Variants in CDYL2 observed in about 807,000 individuals in gnomAD.
CDYL2 encodes chromodomain Y like 2, also known as chromodomain Y-like protein 2.
Under a neutral mutation model 49.4 loss-of-function variants are expected in CDYL2, and 23 were observed. That is an observed-to-expected ratio of 0.47 (90% CI 0.34 to 0.66). The LOEUF (loss-of-function observed/expected upper bound fraction) is 0.66. Among genes scored for constraint, CDYL2 ranks in the 30% least tolerant of loss-of-function variants. CDYL2 has a pLI of 0.01. For synonymous variants in CDYL2, 360 were observed against 268.8 expected (o/e 1.34, Z -3.32); for missense variants, 678 against 656.4 (o/e 1.03, Z -0.36).
chr16:80,663,516 G>T (rs1370754853), intron 2 of CDYL2, among the ~76,000 whole-genome samples: 1 of 152,120 alleles, frequency 6.6e-6, no homozygotes, highest in Admixed American at 6.5e-5. Context: ...TTTTAAGAAA[G>T]TTTAGGTTCT....
intron 1 of CDYL2, among the ~76,000 whole-genome samples, chr16:80,728,086 C>T (rs1294198067): frequency 6.6e-6 from 1 of 152,216 alleles, no homozygotes; most frequent in Non-Finnish European, 1.5e-5. Context: ...AGCAATGGAA[C>T]AAAGCTGGAT....
At chr16:80,705,758 G>A (rs1567578498) in intron 1 of CDYL2, among the ~76,000 whole-genome samples, 1 of 152,252 alleles carries the variant, frequency 6.6e-6, no homozygotes, top group Non-Finnish European at 1.5e-5. Flanking sequence ...CACAGCCACA[G>A]ACAATACATA....
Position 80,620,798 on chromosome 16 carries a change from C to G in CDYL2, c.972G>C (p.Arg324=). The change falls in exon 4 of 7, where the codon CGG becomes CGC. Residue 324 remains arginine, a synonymous_variant. Coordinates refer to ENST00000570137, the MANE Select transcript of CDYL2 (RefSeq NM_152342.4). The part of the protein sequence containing the change: ...SYLIGRLSSD[R]RKESTRIAEA... ...CTGCAATCCGAGTGCTCTCCTTTCG[C>G]CGGTCGCTGGACAACCGGCCAATTA... 1 of 1,609,944 alleles carries G rather than the reference C, an allele frequency of 6.2e-7. No homozygotes were observed. Among genetic ancestry groups the G allele is most frequent in the Non-Finnish European group, 8.5e-7 (1 of 1,177,242 alleles).
chr16:80,762,380 C>A (rs559025844), intron 1 of CDYL2, among the ~76,000 whole-genome samples: 2 of 152,064 alleles, frequency 1.3e-5, no homozygotes, highest in Admixed American at 1.3e-4. Flanking sequence ...TCAACGGGAG[C>A]AAACCAAACG....
At chr16:80,689,440 A>G (rs1037399688) in intron 1 of CDYL2, among the ~76,000 whole-genome samples, 1 of 152,148 alleles carries the variant, frequency 6.6e-6, no homozygotes, top group Non-Finnish European at 1.5e-5. Flanking sequence ...CATCATTCTC[A>G]TTTGACAGGG....
chr16:80,660,727 G>A (rs1423974238), intron 2 of CDYL2, among the ~76,000 whole-genome samples: 1 of 152,170 alleles, frequency 6.6e-6, no homozygotes. Context: ...ATTTCCTGAG[G>A]AGAAACTCTG....
rs147444939 is a variant in CDYL2, at chr16:80,685,070, T to C, written c.84A>G (p.Arg28=). The change falls in exon 2 of 7, where the codon CGA becomes CGG. Residue 28 remains arginine, a synonymous_variant. Transcript: ENST00000570137. Reference sequence around the variant, plus strand: ...CCTCGGTGCTCCCGTAGCCTTTCCATCGGATAAGATACTCCCATTTTCCTT... The same window carrying C: ...CCTCGGTGCTCCCGTAGCCTTTCCACCGGATAAGATACTCCCATTTTCCTT... The part of the protein sequence containing the change: ...NKKGKWEYLI[R]WKGYGSTEDT... The C allele has an allele frequency of 3.7e-6, 6 of 1,614,128 alleles. No individual in the cohort carries two copies. In the African/African-American group the frequency reaches 8.0e-5, roughly 22 times the overall value.
At chr16:80,722,481 C>T (rs1905030150) in intron 1 of CDYL2, among the ~76,000 whole-genome samples, 3 of 152,224 alleles carry the variant, frequency 2.0e-5, no homozygotes, top group Admixed American at 2.0e-4. Context: ...GATGAGACAC[C>T]TTATCGAGCC....
At chr16:80,756,329 A>G (rs1443872766) in intron 1 of CDYL2, among the ~76,000 whole-genome samples, 1 of 152,018 alleles carries the variant, frequency 6.6e-6, no homozygotes, top group Non-Finnish European at 1.5e-5. Context: ...TAGTCTATTT[A>G]AAGAAAATGA....
At chr16:80,714,769 G>A (rs1438752256) in intron 1 of CDYL2, among the ~76,000 whole-genome samples, 1 of 152,186 alleles carries the variant, frequency 6.6e-6, no homozygotes, top group African/African-American at 2.4e-5. Flanking sequence ...AGGCTCCTGA[G>A]GGTTGCTCAG....
At chr16:80,792,798 A>T (rs1407935653) in intron 1 of CDYL2, among the ~76,000 whole-genome samples, 1 of 152,118 alleles carries the variant, frequency 6.6e-6, no homozygotes, top group East Asian at 1.9e-4. Flanking sequence ...AAGCTCACAG[A>T]TGTGTCCCTC....
intron 1 of CDYL2, among the ~76,000 whole-genome samples, chr16:80,689,848 C>T (rs144056571): frequency 0.018 from 2,764 of 152,242 alleles, 29 homozygotes; most frequent in Admixed American, 0.026. Flanking sequence ...GGGCCAGGCA[C>T]GGTGACTCAG....
At chr16:80,774,427 CA>C (rs1907012641) in intron 1 of CDYL2, among the ~76,000 whole-genome samples, 1 of 151,990 alleles carries the variant, frequency 6.6e-6, no homozygotes, top group Non-Finnish European at 1.5e-5. Context: ...GGAGGTTGAT[CA>C]ACAGGTGCAA....
chr16:80,793,953 A>G (rs926605363), intron 1 of CDYL2, among the ~76,000 whole-genome samples: 5 of 152,228 alleles, frequency 3.3e-5, no homozygotes, highest in African/African-American at 9.6e-5. Flanking sequence ...AAATAAAAAC[A>G]CAATCTTTGA....
intron 1 of CDYL2, among the ~76,000 whole-genome samples, chr16:80,735,439 G>A (rs1018139884): frequency 1.3e-5 from 2 of 152,120 alleles, no homozygotes; most frequent in African/African-American, 2.4e-5. Context: ...TAATAACCAC[G>A]ACATTGTCAA....
chr16:80,632,941 G>T, intron 3 of CDYL2, 78 bp downstream of exon 3: 2 of 1,400,494 alleles, frequency 1.4e-6, no homozygotes, highest in Non-Finnish European at 2.0e-6. Flanking sequence ...ATGGAAGGAA[G>T]GAGAAAGCCA....
chr16:80,689,821 A>T (rs962571763), intron 1 of CDYL2, among the ~76,000 whole-genome samples: 10 of 152,176 alleles, frequency 6.6e-5, no homozygotes, highest in Non-Finnish European at 1.2e-4. Context: ...GTAGTAACAA[A>T]TTACAAAAAG....
At chr16:80,728,403 A>T (rs1905231235) in intron 1 of CDYL2, among the ~76,000 whole-genome samples, 1 of 152,314 alleles carries the variant, frequency 6.6e-6, no homozygotes, top group East Asian at 1.9e-4. Flanking sequence ...GAGAAAAAAG[A>T]ATAAAAAGAA....
At chr16:80,765,728 CAAAAAAA>C (rs35740729) in intron 1 of CDYL2, among the ~76,000 whole-genome samples, 3,524 of 55,294 alleles carry the variant, frequency 0.064, 57 homozygotes, top group Middle Eastern at 0.14. Flanking sequence ...GTATTAATCG[CAAAAAAA>C]AAAAAAAAAA....
Sources: allele counts gnomAD v4.1 joint callset (sites outside exome capture counted in the v4.1 genomes callset), GRCh38; gene constraint gnomAD v4.1.1; transcripts MANE v1.5; gene names NCBI Gene and HGNC (gene_info 2026-07-23, HGNC 2026-07-21).